The following ANKRD42 variants were observed in gnomAD, a reference collection of about 807,000 sequenced individuals.
The protein encoded by ANKRD42 is ankyrin repeat domain-containing protein 42.
In ANKRD42, 43 loss-of-function variants were observed where a neutral mutation model predicts 51.5. The ratio of observed to expected loss-of-function variants is 0.83; its 90% CI spans 0.65 to 1.08. ANKRD42 has a LOEUF of 1.08. Among genes scored for constraint, ANKRD42 ranks in the 50% least tolerant of loss-of-function variants. The probability of loss-of-function intolerance (pLI) is 0.00; values close to 1 mark genes in which losing one functional copy is unlikely to be tolerated. For synonymous variants in ANKRD42, 203 were observed against 213.0 expected (o/e 0.95, Z 0.41); for missense variants, 608 against 629.3 (o/e 0.97, Z 0.36).
At chr11:83,228,988 A>T (rs913479299) in intron 7 of ANKRD42, among the ~76,000 whole-genome samples, 1 of 151,068 alleles carries the variant, frequency 6.6e-6, no homozygotes, top group African/African-American at 2.4e-5. Context: ...GAGCAAAGCC[A>T]CTGTATGAGT....
At chr11:83,228,509 G>GT (rs556352199) in intron 7 of ANKRD42, among the ~76,000 whole-genome samples, 281 of 152,138 alleles carry the variant, frequency 1.8e-3, no homozygotes, top group Admixed American at 3.1e-3. Flanking sequence ...GATTACAGGC[G>GT]TGAGCCACCA....
At position 83,198,627 on chromosome 11, in the gene ANKRD42, T is replaced by G; in HGVS notation, c.207T>G (p.His69Gln). 1 of 1,596,358 alleles carries G rather than the reference T, an allele frequency of 6.3e-7. No homozygotes were observed. Residue 69 changes from histidine (H) to glutamine (Q), a missense_variant, in exon 2 of 11, where the codon CAT (histidine) becomes CAG (glutamine). By Grantham distance (24) the His-to-Gln change is conservative. Transcript: ENST00000533342. Reference sequence around the variant, plus strand: ...TTACCCCTTTACATTGGGCAGCACATTCTGGAAGTTTGGAGGTAAGAAACT... The same window carrying G: ...TTACCCCTTTACATTGGGCAGCACAGTCTGGAAGTTTGGAGGTAAGAAACT... ...HKFTPLHWAA[H>Q]SGSLECLHWL...
intron 7 of ANKRD42, among the ~76,000 whole-genome samples, chr11:83,228,442 C>T (rs948544424): frequency 6.6e-6 from 1 of 151,764 alleles, no homozygotes; most frequent in Non-Finnish European, 1.5e-5. Flanking sequence ...GTTGGCCAGG[C>T]TGATCTTGAA....
At chr11:83,202,536 G>A (rs780923989) in intron 2 of ANKRD42, among the ~76,000 whole-genome samples, 1 of 152,160 alleles carries the variant, frequency 6.6e-6, no homozygotes, top group South Asian at 2.1e-4. Context: ...GAAAGTCAAT[G>A]GTAGCTTGAT....
chr11:83,213,200 A>C (rs1289082298), intron 5 of ANKRD42: 2 of 1,600,760 alleles, frequency 1.2e-6, no homozygotes, highest in African/African-American at 1.3e-5. Context: ...GACAAAAAAA[A>C]CAAAGCACAT....
downstream of ANKRD42, among the ~76,000 whole-genome samples, chr11:83,252,870 C>T (rs1164636582): frequency 6.6e-6 from 1 of 151,394 alleles, no homozygotes; most frequent in Non-Finnish European, 1.5e-5. Flanking sequence ...ATACTTAATA[C>T]ATATACTTAA....
intron 6 of ANKRD42, among the ~76,000 whole-genome samples, chr11:83,227,135 A>G (rs1862910830): frequency 6.6e-6 from 1 of 152,064 alleles, no homozygotes; most frequent in Admixed American, 6.6e-5. Context: ...CGTGAGAACA[A>G]GTGTGTCTTT....
downstream of ANKRD42, chr11:83,249,070 T>G (rs142780241): frequency 4.8e-6 from 4 of 836,440 alleles, no homozygotes; most frequent in East Asian, 5.0e-4. Context: ...CATGTGTTGG[T>G]TAGAGGGCTA....
intron 3 of ANKRD42, among the ~76,000 whole-genome samples, chr11:83,207,980 C>G (rs550737091): frequency 4.9e-4 from 75 of 152,100 alleles, no homozygotes; most frequent in African/African-American, 1.6e-3. Context: ...TTTTTCCCCC[C>G]CTCCTCAACC....
chr11:83,253,246 A>G (rs506321), downstream of ANKRD42, among the ~76,000 whole-genome samples: 43,324 of 152,060 alleles, frequency 0.28, 6,695 homozygotes, highest in Non-Finnish European at 0.35. Context: ...GGGAAGTTCT[A>G]AAAGTTTGTG....
Position 83,255,843 on chromosome 11 carries a change from A to G in ANKRD42, c.1465-2A>G. On this transcript the variant is annotated splice_acceptor_variant, in intron 11 of 11. Transcript: ENST00000260047. LOFTEE classifies it high-confidence loss of function. ...TTTGACCCTCTTTTCCTTTGCTTAT[A>G]GGAAGACAGCGCTTCTTGTGAGTCA... 1 of 1,526,038 alleles carries G rather than the reference A, an allele frequency of 6.6e-7. No homozygotes were observed. The highest frequency in any genetic ancestry group is 8.7e-7 in the Non-Finnish European group (1 of 1,144,022). 94.5% of individuals were successfully genotyped at this position (1,526,038 alleles called of 1,614,324 possible). A position where few individuals can be genotyped will look rare whatever the true frequency, so the allele number is the denominator to read the frequency against.
chr11:83,261,802 G>T (rs207472085), downstream of ANKRD42: 1 of 734,194 alleles, frequency 1.4e-6, no homozygotes, highest in Non-Finnish European at 2.3e-6. Flanking sequence ...TATACACTTC[G>T]AATAATCTTG....
Position 83,240,901 on chromosome 11 carries a change from T to C in ANKRD42, c.1162T>C (p.Cys388Arg). Residue 388 changes from cysteine to arginine, a missense_variant, in exon 9 of 11, where the codon TGT becomes CGT. Physicochemically the swap from Cys to Arg is radical, Grantham distance 180 (BLOSUM62 -3). Transcript: ENST00000533342. The stretch of plus-strand genomic sequence containing the variant: ...AAGCACTGATGCCAAGGATGATTTA[T>C]GTCTGAGTGACTTGGATAAAACAGA... Reference protein sequence around the residue: ...EGSTDAKDDLCLSDLDKTDAR... With the variant: ...EGSTDAKDDLRLSDLDKTDAR... 1 of 1,614,062 alleles carries C rather than the reference T, an allele frequency of 6.2e-7. No homozygotes were observed. Among genetic ancestry groups the C allele is most frequent in the Non-Finnish European group, 8.5e-7 (1 of 1,179,920 alleles).
chr11:83,232,809 G>A (rs1183024198), intron 7 of ANKRD42, among the ~76,000 whole-genome samples: 1 of 152,046 alleles, frequency 6.6e-6, no homozygotes, highest in African/African-American at 2.4e-5. Context: ...AATTTTGTCA[G>A]GTGCTTTTAT....
chr11:83,252,570 T>C (rs1169800614), downstream of ANKRD42, among the ~76,000 whole-genome samples: 1 of 152,160 alleles, frequency 6.6e-6, no homozygotes, highest in Non-Finnish European at 1.5e-5. Context: ...ACAAACACTA[T>C]GCTGACTAAA....
At chr11:83,244,280 C>T (rs753222402) in intron 9 of ANKRD42, among the ~76,000 whole-genome samples, 10 of 152,126 alleles carry the variant, frequency 6.6e-5, no homozygotes, top group Admixed American at 2.0e-4. Flanking sequence ...TGCTCCTGGC[C>T]GAGAACCTTT....
intron 5 of ANKRD42, chr11:83,212,706 T>G: frequency 6.5e-7 from 1 of 1,536,134 alleles, no homozygotes. Flanking sequence ...CATGCTGGAC[T>G]TACATAATTT....
intron 10 of ANKRD42, 115 bp downstream of exon 10, chr11:83,245,739 C>G: frequency 8.5e-7 from 1 of 1,180,384 alleles, no homozygotes; most frequent in South Asian, 1.7e-5. Flanking sequence ...TAGGTTCCAT[C>G]CTGTTTTTCT....
intron 1 of ANKRD42, among the ~76,000 whole-genome samples, chr11:83,197,371 C>G (rs1861699359): frequency 6.6e-6 from 1 of 152,114 alleles, no homozygotes; most frequent in African/African-American, 2.4e-5. Flanking sequence ...GGTAGATGTT[C>G]AGAAAGGCTT....
Sources: gnomAD v4.1 joint callset for allele counts (sites outside exome capture counted in the v4.1 genomes callset) on GRCh38, gnomAD v4.1.1 for gene constraint, MANE v1.5 for transcripts, NCBI Gene and HGNC (gene_info 2026-07-23, HGNC 2026-07-21) for gene names.